TRPM3: variants seen among roughly 807,000 people sequenced by gnomAD.
The protein encoded by TRPM3 is long transient receptor potential channel 3.
TRPM3 carries 77 observed loss-of-function variants against 181.2 expected under a neutral mutation model. The ratio of observed to expected loss-of-function variants is 0.42; its 90% CI spans 0.35 to 0.51. TRPM3 has a LOEUF of 0.51. Among genes scored for constraint, TRPM3 ranks in the 20% least tolerant of loss-of-function variants. The probability of loss-of-function intolerance (pLI) is 0.01; values close to 1 mark genes in which losing one functional copy is unlikely to be tolerated. For missense variants in TRPM3, 1,759 were observed against 2,196.7 expected (o/e 0.80, Z 3.98); for synonymous variants, 745 against 796.4 (o/e 0.94, Z 1.09).
At chr9:71,011,829 TAG>T (rs1240090399) in intron 1 of TRPM3, among the ~76,000 whole-genome samples, 3 of 145,748 alleles carry the variant, frequency 2.1e-5, no homozygotes, top group Admixed American at 1.4e-4. Flanking sequence ...TTATGCAGAC[TAG>T]AGTGCAGTGA....
At chr9:70,934,871 C>A (rs558381881) in intron 1 of TRPM3, among the ~76,000 whole-genome samples, 1 of 151,790 alleles carries the variant, frequency 6.6e-6, no homozygotes, top group Non-Finnish European at 1.5e-5. Context: ...CCTCCTCCCC[C>A]CAAAAAAAAT....
intron 1 of TRPM3, among the ~76,000 whole-genome samples, chr9:71,245,037 A>G (rs2081953206): frequency 6.6e-6 from 1 of 152,214 alleles, no homozygotes; most frequent in Non-Finnish European, 1.5e-5. Flanking sequence ...AGACAGGACA[A>G]TCATGACAAT....
chr9:70,918,725 A>C (rs1207329309), intron 1 of TRPM3, among the ~76,000 whole-genome samples: 1 of 152,218 alleles, frequency 6.6e-6, no homozygotes, highest in Non-Finnish European at 1.5e-5. Flanking sequence ...AAGTAAGAGC[A>C]AAGCAAACCC....
At chr9:70,864,748 A>G (rs554628694) in intron 1 of TRPM3, among the ~76,000 whole-genome samples, 1 of 152,170 alleles carries the variant, frequency 6.6e-6, no homozygotes, top group South Asian at 2.1e-4. Flanking sequence ...AAAGGAACTG[A>G]CCATAATAAA....
At chr9:70,923,024 G>A (rs1240644982) in intron 1 of TRPM3, among the ~76,000 whole-genome samples, 1 of 152,114 alleles carries the variant, frequency 6.6e-6, no homozygotes, top group Non-Finnish European at 1.5e-5. Context: ...AAAAGCCATT[G>A]ATCTTTCCGA....
chr9:70,538,425 C>T (rs932709202), intron 25 of TRPM3, among the ~76,000 whole-genome samples: 1 of 149,828 alleles, frequency 6.7e-6, no homozygotes, highest in African/African-American at 2.5e-5. Context: ...GCCACCATGC[C>T]CTGCCTTTTG....
At chr9:71,172,128 T>C (rs2076895926) in intron 1 of TRPM3, among the ~76,000 whole-genome samples, 1 of 152,068 alleles carries the variant, frequency 6.6e-6, no homozygotes, top group Admixed American at 6.6e-5. Flanking sequence ...TTTCAAACCC[T>C]GGGCTCAAGC....
chr9:71,420,801 A>AGAGAAAGAGAGAAAG (rs1565557524), intron 1 of TRPM3, among the ~76,000 whole-genome samples: 1 of 2,792 alleles, frequency 3.6e-4, no homozygotes, highest in African/African-American at 1.2e-3. Flanking sequence ...GAGAGAAAGA[A>AGAGAAAGAGAGAAAG]AGAGAGAAAG....
intron 1 of TRPM3, among the ~76,000 whole-genome samples, chr9:71,400,723 A>G (rs1324906008): frequency 6.6e-6 from 1 of 152,096 alleles, no homozygotes; most frequent in Non-Finnish European, 1.5e-5. Flanking sequence ...CCAAAATATT[A>G]ATACTGTACC....
intron 1 of TRPM3, among the ~76,000 whole-genome samples, chr9:71,340,234 G>T (rs917890033): frequency 6.6e-6 from 1 of 152,152 alleles, no homozygotes; most frequent in African/African-American, 2.4e-5. Context: ...AAAGAGAGAA[G>T]GCTAGAATAA....
At chr9:70,678,881 A>T (rs2064716829) in intron 9 of TRPM3, among the ~76,000 whole-genome samples, 1 of 152,264 alleles carries the variant, frequency 6.6e-6, no homozygotes, top group Non-Finnish European at 1.5e-5. Context: ...CAGCAAAAGT[A>T]CTGTGCTTGA....
intron 22 of TRPM3, among the ~76,000 whole-genome samples, chr9:70,575,408 T>C (rs182287994): frequency 1.1e-4 from 16 of 152,324 alleles, no homozygotes; most frequent in African/African-American, 3.6e-4. Context: ...TAAGTAGCCT[T>C]TGACACTGTG....
chr9:70,750,716 T>G (rs1010838110), intron 8 of TRPM3, among the ~76,000 whole-genome samples: 1 of 152,066 alleles, frequency 6.6e-6, no homozygotes. Context: ...CTTTCAAGAC[T>G]GAGAAAATGA....
intron 1 of TRPM3, among the ~76,000 whole-genome samples, chr9:70,889,083 ACAGC>A (rs2096147073): frequency 6.6e-6 from 1 of 152,188 alleles, no homozygotes. Context: ...AAGGGGTGGC[ACAGC>A]CAGCAAGAAA....
chr9:70,811,028 G>A (rs752229837), intron 6 of TRPM3: 12 of 677,602 alleles, frequency 1.8e-5, no homozygotes, highest in Non-Finnish European at 2.8e-5. Context: ...TTTCTGATGT[G>A]GTTGAATGTC....
At chr9:71,150,989 T>C (rs2075704846) in intron 1 of TRPM3, among the ~76,000 whole-genome samples, 1 of 152,176 alleles carries the variant, frequency 6.6e-6, no homozygotes, top group Non-Finnish European at 1.5e-5. Flanking sequence ...AGAGATTAAA[T>C]GGTGTTGAGA....
chr9:71,257,851 G>T (rs908139258), intron 1 of TRPM3, among the ~76,000 whole-genome samples: 9 of 152,080 alleles, frequency 5.9e-5, no homozygotes, highest in African/African-American at 2.2e-4. Context: ...TAACTGTTTT[G>T]ATGTTCATCT....
In TRPM3 at chr9:70,535,032, GTTTT is replaced by G. The variant is rs5898149; in HGVS notation, c.*917_*920del. The G allele has an allele frequency of 1.0e-4, 14 of 139,784 alleles. No homozygotes were observed. The highest frequency in any genetic ancestry group is 4.5e-4 in the South Asian group (2 of 4,470). 8.7% of individuals were successfully genotyped at this position (139,784 alleles called of 1,614,324 possible). ...CAATTTCAGGCTAGTTCTGTCCACTGTTTTTTTTTTTTTTTTTTTAAGTTCAATA... is the reference window on the plus strand; with the variant it reads ...CAATTTCAGGCTAGTTCTGTCCACTGTTTTTTTTTTTTTTTAAGTTCAATA... On this transcript the variant is annotated 3_prime_UTR_variant, in exon 26 of 26. Transcript: ENST00000677713.
At chr9:71,027,302 G>T (rs1274912215) in intron 1 of TRPM3, among the ~76,000 whole-genome samples, 2 of 152,094 alleles carry the variant, frequency 1.3e-5, no homozygotes, top group East Asian at 1.9e-4. Flanking sequence ...TAGGGTAAAA[G>T]AAAAATAAAA....
Sources: gnomAD v4.1 joint callset for allele counts (sites outside exome capture counted in the v4.1 genomes callset) on GRCh38, gnomAD v4.1.1 for gene constraint, MANE v1.5 for transcripts, NCBI Gene and HGNC (gene_info 2026-07-23, HGNC 2026-07-21) for gene names.